CYFIP1: variants seen among roughly 807,000 people sequenced by gnomAD.
CYFIP1 encodes cytoplasmic FMR1-interacting protein 1.
A neutral mutation model predicts 163.5 loss-of-function variants in CYFIP1; 58 were observed. That is an observed-to-expected ratio of 0.35 (90% CI 0.29 to 0.44). CYFIP1 has a LOEUF of 0.44. CYFIP1 is among the 20% of genes least tolerant of loss of function. The pLI, the probability that CYFIP1 is intolerant of heterozygous loss-of-function variation, is 1.00. For missense variants in CYFIP1, 1,338 were observed against 1,653.8 expected, an observed-to-expected ratio of 0.81 and a Z score of 3.31; for synonymous variants, 663 against 660.7, an observed-to-expected ratio of 1.00 and a Z score of -0.05.
intron 21 of CYFIP1, 137 bp downstream of exon 21, chr15:22,909,057 G>A (rs1660447341): frequency 9.1e-7 from 1 of 1,101,624 alleles, no homozygotes; most frequent in African/African-American, 1.6e-5. Flanking sequence ...CACGCCCAGT[G>A]AGTGCATCTC....
rs745681703 is a variant in CYFIP1, at chr15:22,872,981, A to G, written c.3450-9T>C. The G allele has an allele frequency of 1.9e-6, 3 of 1,612,768 alleles. No homozygotes were observed. The highest frequency in any genetic ancestry group is 1.3e-5 in the African/African-American group (1 of 74,866). ...CATCACCAAAGCACTGCCTAGGAAC[A>G]AGAAGCAGAAACAGAATGGGAGATG... On this transcript the variant is annotated splice_polypyrimidine_tract_variant and intron_variant, in intron 29 of 30. Transcript: ENST00000617928.
intron 17 of CYFIP1, chr15:22,912,497 C>T (rs1042277241): frequency 1.5e-5 from 7 of 457,858 alleles, no homozygotes; most frequent in Non-Finnish European, 2.3e-5. Context: ...ACAGCAGACG[C>T]TCACTGAAGG....
At position 22,917,635 on chromosome 15, in the gene CYFIP1, C is replaced by G. The variant is rs1200124196; in HGVS notation, c.1674+153G>C. The G allele has an allele frequency of 1.1e-6, 1 of 934,174 alleles. No homozygotes were observed. The highest frequency in any genetic ancestry group is 1.5e-6 in the Non-Finnish European group (1 of 652,402). The allele number at this position is 934,174 out of a possible 1,614,324, so 57.9% of individuals were successfully genotyped here. A position where few individuals can be genotyped will look rare whatever the true frequency, so the allele number is the denominator to read the frequency against. ...GCTCCCAACTCACTTGGGTGGGAAA[C>G]AGAGGAGCAGCAGAAACCACAGGCG... is the stretch of plus-strand genomic sequence containing the variant. On this transcript the variant is annotated intron_variant, in intron 15 of 30. Transcript: ENST00000617928. The surrounding 1 kb of genome is among the most constrained non-coding windows in gnomAD (Gnocchi z 4.2).
At position 22,933,837 on chromosome 15, in the gene CYFIP1, G is replaced by C. The variant is rs949647443; in HGVS notation, c.957C>G (p.Ile319Met). ...GDMQIELARY[I>M]KTSAHYEENK... ...TTTCCTCGTAGTGGGCGCTGGTCTTGATATATCTTGCCAGTTCTATTTGCA... is the reference window on the plus strand; with the variant it reads ...TTTCCTCGTAGTGGGCGCTGGTCTTCATATATCTTGCCAGTTCTATTTGCA... Residue 319 changes from isoleucine (I) to methionine (M), a missense_variant, in exon 10 of 31, where the codon ATC becomes ATG. Around this residue, in one of 4 missense-constraint regions of CYFIP1, gnomAD observed 824 missense variants for 995.7 expected, o/e 0.83. Coordinates refer to ENST00000617928, the MANE Select transcript of CYFIP1 (RefSeq NM_014608.6). The C allele has an allele frequency of 1.2e-6, 2 of 1,613,356 alleles. No homozygotes were observed. The highest frequency in any genetic ancestry group is 1.7e-6 in the Non-Finnish European group (2 of 1,179,794).
intron 18 of CYFIP1, among the ~76,000 whole-genome samples, 185 bp from the exon 19 acceptor site, chr15:22,910,998 C>T (rs568192250): frequency 6.6e-6 from 1 of 152,120 alleles, no homozygotes; most frequent in African/African-American, 2.4e-5. Flanking sequence ...CAATCTCTGC[C>T]TCAAGTGATT....
At position 22,907,782 on chromosome 15, in the gene CYFIP1, G is replaced by A. The variant is rs1054731951; in HGVS notation, c.2388+1412C>T. 4.6e-5 allele frequency among the ~76,000 whole-genome samples: 7 copies of A among 152,234 alleles called. No homozygotes were observed. In the East Asian group the frequency reaches 5.8e-4, roughly 13 times the overall value. ...CAGGTGATCCACAGAGCTGTGGTTC[G>A]GGGGCCCGCTCACTGAGGTCCCCCT... On this transcript the variant is annotated intron_variant, in intron 21 of 30. Coordinates refer to ENST00000617928, the MANE Select transcript of CYFIP1 (RefSeq NM_014608.6).
intron 11 of CYFIP1, among the ~76,000 whole-genome samples, chr15:22,929,952 A>G (rs35329063): frequency 0.1 from 15,113 of 151,594 alleles, 1,041 homozygotes; most frequent in Non-Finnish European, 0.14. Context: ...AAACAAAAAA[A>G]AGACTAGATT....
In CYFIP1 at chr15:22,917,724, C is replaced by T. The variant is rs962342667; in HGVS notation, c.1674+64G>A. On this transcript the variant is annotated intron_variant, in intron 15 of 30. Transcript: ENST00000617928. This position sits in a 1 kb window ranked among gnomAD's most constrained non-coding sequence, Gnocchi z 4.2. Reference sequence around the variant, plus strand: ...TAACCCGGGCCTCACCAGCCCCACCCGCTCACAGCTCAGGGTGGGTCCCCC... The same window carrying T: ...TAACCCGGGCCTCACCAGCCCCACCTGCTCACAGCTCAGGGTGGGTCCCCC... 81 of 1,506,026 alleles carry T rather than the reference C, an allele frequency of 5.4e-5. No homozygotes were observed. The highest frequency in any genetic ancestry group is 6.5e-5 in the Non-Finnish European group (73 of 1,128,938). 93.3% of individuals were successfully genotyped at this position (1,506,026 alleles called of 1,614,324 possible).
intron 25 of CYFIP1, 105 bp from the exon 26 acceptor site, chr15:22,880,148 G>A (rs1330887356): frequency 2.7e-6 from 4 of 1,485,248 alleles, no homozygotes; most frequent in Admixed American, 3.4e-5. Context: ...CCGCCATCAA[G>A]CCTGGCTATA....
intron 22 of CYFIP1, among the ~76,000 whole-genome samples, chr15:22,898,950 C>T (rs556111551): frequency 6.6e-6 from 1 of 151,596 alleles, no homozygotes; most frequent in Non-Finnish European, 1.5e-5. Context: ...TGCAGTGAGC[C>T]GAGACTGTGC....
At chr15:22,888,782 C>A (rs1231471918) in intron 23 of CYFIP1, among the ~76,000 whole-genome samples, 2 of 152,004 alleles carry the variant, frequency 1.3e-5, no homozygotes, top group Non-Finnish European at 2.9e-5. Flanking sequence ...TGGCTCACGC[C>A]TTTATCCCAG....
At chr15:22,918,609 G>C in intron 14 of CYFIP1, 83 bp downstream of exon 14, 1 of 1,277,654 alleles carries the variant, frequency 7.8e-7, no homozygotes, top group Non-Finnish European at 1.1e-6. Context: ...TCATTTTTGA[G>C]AATTTAACGC....
In CYFIP1 at chr15:22,931,696, A is replaced by AG. The variant is rs899483230; in HGVS notation, c.1110+526_1110+527insC. Among the ~76,000 whole-genome samples, 22 of 149,928 alleles carry AG rather than the reference A, an allele frequency of 1.5e-4. 1 individual carries two copies. Among genetic ancestry groups the AG allele is most frequent in the Non-Finnish European group, 2.8e-4 (19 of 67,614 alleles). On this transcript the variant is annotated intron_variant, in intron 11 of 30. Coordinates refer to ENST00000617928, the MANE Select transcript of CYFIP1 (RefSeq NM_014608.6). ...CTATAATGTTTTTCTGAAAAAAAAA[A>AG]AAAAAAAAAAAAAAGCTTTTTGTAC...
chr15:22,946,704 C>T (rs551554261), intron 3 of CYFIP1: 52 of 552,402 alleles, frequency 9.4e-5, no homozygotes, highest in African/African-American at 9.1e-4. Flanking sequence ...CATATGGGCA[C>T]ATACCTGGTG....
chr15:22,881,269 G>A (rs879613236), intron 25 of CYFIP1, among the ~76,000 whole-genome samples: 28 of 152,224 alleles, frequency 1.8e-4, no homozygotes, highest in South Asian at 2.1e-4. Context: ...CAGCTTTCAA[G>A]AAAACTCGGC....
intron 23 of CYFIP1, among the ~76,000 whole-genome samples, chr15:22,891,381 T>C (rs2060077410): frequency 6.6e-6 from 1 of 152,164 alleles, no homozygotes; most frequent in Non-Finnish European, 1.5e-5. Context: ...GCCGAGATCA[T>C]GCCACTGCCC....
At chr15:22,914,960 G>C in intron 16 of CYFIP1, 78 bp from the exon 17 acceptor site, 1 of 1,458,734 alleles carries the variant, frequency 6.9e-7, no homozygotes, top group Non-Finnish European at 9.2e-7. Flanking sequence ...CAAGGGCTGT[G>C]TGCTGGGTGC....
At chr15:22,928,370 G>A (rs895628360) in intron 11 of CYFIP1, among the ~76,000 whole-genome samples, 3 of 152,042 alleles carry the variant, frequency 2.0e-5, no homozygotes, top group East Asian at 1.9e-4. Flanking sequence ...GCGACAGAGC[G>A]AGACTCCGTC....
At chr15:22,976,323 A>C (rs778465328) in intron 1 of CYFIP1, among the ~76,000 whole-genome samples, 4 of 152,022 alleles carry the variant, frequency 2.6e-5, no homozygotes, top group African/African-American at 9.7e-5. Context: ...ATGCCCAACT[A>C]ATTTTTGTAT....
Sources: allele counts gnomAD v4.1 joint callset (sites outside exome capture counted in the v4.1 genomes callset), GRCh38; gene constraint gnomAD v4.1.1; regional missense constraint gnomAD v4.1.1; non-coding constraint Gnocchi (gnomAD v3.1); transcripts MANE v1.5; gene names NCBI Gene and HGNC (gene_info 2026-07-23, HGNC 2026-07-21).